The following SDK2 variants were observed in gnomAD, a reference collection of about 807,000 sequenced individuals.
SDK2 encodes the protein sidekick cell adhesion molecule 2.
A neutral mutation model predicts 253.9 loss-of-function variants in SDK2; 105 were observed. The observed-to-expected ratio is 0.41, with a 90% CI of 0.35 to 0.49. The LOEUF (loss-of-function observed/expected upper bound fraction) is 0.49, where lower values mean the gene tolerates loss of function less well. Ranked by LOEUF, SDK2 falls within the 20% of genes least tolerant of loss-of-function variation. SDK2 has a pLI of 0.06. For missense variants in SDK2, 2,608 were observed against 3,003.0 expected, an observed-to-expected ratio of 0.87 and a Z score of 3.07; for synonymous variants, 1,249 against 1,234.9, an observed-to-expected ratio of 1.01 and a Z score of -0.24.
At chr17:73,369,156 T>C (rs778224386) in intron 36 of SDK2, 3 of 470,898 alleles carry the variant, frequency 6.4e-6, no homozygotes, top group African/African-American at 2.0e-5. Context: ...GCCTGGAGGA[T>C]TTACCATAGC....
intron 1 of SDK2, among the ~76,000 whole-genome samples, chr17:73,578,345 G>A (rs2045486195): frequency 1.3e-5 from 2 of 152,176 alleles, no homozygotes; most frequent in East Asian, 3.9e-4. Flanking sequence ...GATTACAGGC[G>A]TGAGCCACCA....
intron 38 of SDK2, among the ~76,000 whole-genome samples, chr17:73,363,000 A>G (rs2062654275): frequency 1.3e-5 from 2 of 152,262 alleles, no homozygotes. Flanking sequence ...GGGTGTCCAC[A>G]GCATCTTAGG....
chr17:73,481,323 G>A lies in SDK2; in HGVS notation c.225-9105C>T, dbSNP rs1445180023. 1.3e-5 allele frequency among the ~76,000 whole-genome samples: 2 copies of A among 152,170 alleles called. No homozygotes were observed. Among genetic ancestry groups the A allele is most frequent in the Admixed American group, 6.5e-5 (1 of 15,278 alleles). On this transcript the variant is annotated intron_variant, in intron 2 of 44. Coordinates refer to ENST00000392650, the MANE Select transcript of SDK2 (RefSeq NM_001144952.2). The surrounding 1 kb of genome is among the most constrained non-coding windows in gnomAD (Gnocchi z 4.5). ...TCTAGGGAACCTGAGGGTGGAGAGG[G>A]GGTACCCGCAGTGGACAGAACAGGG...
intron 3 of SDK2, among the ~76,000 whole-genome samples, chr17:73,468,306 G>T (rs940646630): frequency 2.6e-5 from 4 of 152,190 alleles, no homozygotes; most frequent in Admixed American, 6.5e-5. Flanking sequence ...CACTGTTTGG[G>T]AGCTGGCTAG....
intron 39 of SDK2, among the ~76,000 whole-genome samples, 154 bp from the exon 40 acceptor site, chr17:73,358,358 T>A (rs1195509795): frequency 1.3e-5 from 2 of 152,038 alleles, no homozygotes; most frequent in African/African-American, 4.8e-5. Context: ...TGAGAGTACA[T>A]CTCAGGCTGG....
chr17:73,375,583 G>A (rs932262685), intron 36 of SDK2, among the ~76,000 whole-genome samples: 5 of 151,994 alleles, frequency 3.3e-5, no homozygotes, highest in African/African-American at 7.2e-5. Flanking sequence ...CCCTGGCTGG[G>A]CACAGTGGCT....
chr17:73,552,890 T>C (rs2045084043), intron 1 of SDK2, among the ~76,000 whole-genome samples: 1 of 152,242 alleles, frequency 6.6e-6, no homozygotes, highest in African/African-American at 2.4e-5. Flanking sequence ...GCCCTTGCCC[T>C]GAGCCTCTGG....
chr17:73,418,010 GTTTTTTTTT>G (rs397689294), intron 16 of SDK2, among the ~76,000 whole-genome samples: 1 of 128,258 alleles, frequency 7.8e-6, no homozygotes, highest in Non-Finnish European at 1.6e-5. Flanking sequence ...TCCTAGATGA[GTTTTTTTTT>G]TTTTTTTTTG....
intron 2 of SDK2, among the ~76,000 whole-genome samples, chr17:73,488,628 C>T (rs1333278060): frequency 2.0e-5 from 3 of 151,432 alleles, no homozygotes; most frequent in African/African-American, 7.3e-5. Context: ...GACAACCTTC[C>T]TTCTACCACT....
At chr17:73,438,236 T>G (rs867256176) in intron 6 of SDK2, 82 bp from the exon 7 acceptor site, 1 of 1,358,620 alleles carries the variant, frequency 7.4e-7, no homozygotes, top group Non-Finnish European at 1.0e-6. Context: ...TGGTAAGGAG[T>G]GTGGGCTTGG....
chr17:73,634,062 G>A (rs147292671), intron 1 of SDK2, among the ~76,000 whole-genome samples: 11 of 152,304 alleles, frequency 7.2e-5, no homozygotes, highest in Non-Finnish European at 1.5e-4. Context: ...GAGCAAGGGC[G>A]TGATAATGAC....
intron 3 of SDK2, among the ~76,000 whole-genome samples, chr17:73,462,832 G>A (rs1386917022): frequency 1.3e-5 from 2 of 152,174 alleles, no homozygotes; most frequent in Non-Finnish European, 2.9e-5. Context: ...AGGCCCCAAG[G>A]CCCTCACAGT....
intron 18 of SDK2, among the ~76,000 whole-genome samples, chr17:73,408,068 T>TTTTTTTTG (rs1599535396): frequency 6.8e-6 from 1 of 146,438 alleles, no homozygotes; most frequent in African/African-American, 2.5e-5. Flanking sequence ...TTTTTTTCTT[T>TTTTTTTTG]TGAGACAGAG....
Position 73,572,934 on chromosome 17 carries a change from G to A in SDK2, c.65-65337C>T, listed in dbSNP as rs75492113. 2.6e-3 allele frequency among the ~76,000 whole-genome samples: 392 copies of A among 152,258 alleles called. 8 individuals carry two copies. The South Asian group carries it at 0.039, about 15-fold the overall frequency. ...ACCCAGCATGCTCACTTGTAATGGCGCCTTCTTATCTCTTTCTTCCTGGAC... is the reference window on the plus strand; with the variant it reads ...ACCCAGCATGCTCACTTGTAATGGCACCTTCTTATCTCTTTCTTCCTGGAC... On this transcript the variant is annotated intron_variant, in intron 1 of 44. Coordinates refer to ENST00000392650, the MANE Select transcript of SDK2 (RefSeq NM_001144952.2).
At chr17:73,614,831 G>A (rs1463076972) in intron 1 of SDK2, among the ~76,000 whole-genome samples, 9 of 143,576 alleles carry the variant, frequency 6.3e-5, no homozygotes, top group East Asian at 2.1e-4. Flanking sequence ...TTGAAAAGGC[G>A]GAGGGAGGGA....
At chr17:73,605,851 CGGT>C (rs2045900774) in intron 1 of SDK2, among the ~76,000 whole-genome samples, 1 of 152,136 alleles carries the variant, frequency 6.6e-6, no homozygotes, top group South Asian at 2.1e-4. Context: ...ACTGGCAGAT[CGGT>C]AGTCCCTTCT....
chr17:73,565,598 A>C (rs1330563112), intron 1 of SDK2, among the ~76,000 whole-genome samples: 3 of 124,842 alleles, frequency 2.4e-5, no homozygotes, highest in African/African-American at 1.2e-4. Flanking sequence ...TAGTAGGAAA[A>C]TAAAAAGCAT....
At chr17:73,369,593 C>T (rs967931726) in intron 36 of SDK2, among the ~76,000 whole-genome samples, 3 of 152,348 alleles carry the variant, frequency 2.0e-5, no homozygotes, top group African/African-American at 7.2e-5. Context: ...GGCCAGTTTC[C>T]TAAGGAACCC....
chr17:73,375,380 C>T (rs948043143), intron 36 of SDK2, among the ~76,000 whole-genome samples: 1 of 151,808 alleles, frequency 6.6e-6, no homozygotes, highest in South Asian at 2.1e-4. Context: ...GCTGGGACTA[C>T]AGGCATGTGC....
Sources: allele counts gnomAD v4.1 joint callset (sites outside exome capture counted in the v4.1 genomes callset), GRCh38; gene constraint gnomAD v4.1.1; non-coding constraint Gnocchi (gnomAD v3.1); transcripts MANE v1.5; gene names NCBI Gene and HGNC (gene_info 2026-07-23, HGNC 2026-07-21).